UBR1: variants seen among roughly 807,000 people sequenced by gnomAD.
The protein encoded by UBR1 is E3 ubiquitin-protein ligase UBR1.
Under a neutral mutation model 242.1 loss-of-function variants are expected in UBR1, and 102 were observed. The observed-to-expected ratio is 0.42, with a 90% CI of 0.36 to 0.50. The LOEUF (loss-of-function observed/expected upper bound fraction) is 0.50, where lower values mean the gene tolerates loss of function less well. Ranked by LOEUF, UBR1 falls within the 20% of genes least tolerant of loss-of-function variation. UBR1 has a pLI of 0.01. For synonymous variants in UBR1, 675 were observed against 684.8 expected, an observed-to-expected ratio of 0.99 and a Z score of 0.22; for missense variants, 1,772 against 2,101.8, an observed-to-expected ratio of 0.84 and a Z score of 3.07.
intron 40 of UBR1, 137 bp downstream of exon 40, chr15:42,970,382 TA>T: frequency 2.2e-6 from 2 of 911,114 alleles, no homozygotes; most frequent in Non-Finnish European, 3.5e-6. Context: ...ACCTAAACCA[TA>T]AAAACCCTAC....
chr15:43,060,237 T>A, intron 6 of UBR1, 123 bp from the exon 7 acceptor site: 1 of 911,610 alleles, frequency 1.1e-6, no homozygotes, highest in Non-Finnish European at 1.8e-6. Flanking sequence ...CTAAAAGTTG[T>A]AAGATACCGG....
intron 40 of UBR1, among the ~76,000 whole-genome samples, chr15:42,968,566 C>T (rs569683204): frequency 3.0e-4 from 45 of 151,940 alleles, no homozygotes; most frequent in African/African-American, 8.9e-4. Flanking sequence ...ACGTGCAGAA[C>T]GTGCAGGTTT....
intron 16 of UBR1, 39 bp from the exon 17 acceptor site, chr15:43,037,922 A>G (rs763626178): frequency 6.4e-7 from 1 of 1,562,782 alleles, no homozygotes; most frequent in South Asian, 1.1e-5. Context: ...TTTCTCACAG[A>G]GCTTAGATGT....
intron 3 of UBR1, 45 bp from the exon 4 acceptor site, chr15:43,075,134 T>A: frequency 7.3e-7 from 1 of 1,372,602 alleles, no homozygotes; most frequent in Non-Finnish European, 1.0e-6. Context: ...AACATTTTAC[T>A]AAGCATGAAG....
rs2033158368 is a variant in UBR1 at position 43,024,835 on chromosome 15, G to C, written c.2733C>G (p.Leu911=). The C allele has an allele frequency of 6.2e-7, 1 of 1,614,012 alleles. No homozygotes were observed. Among genetic ancestry groups the C allele is most frequent in the South Asian group, 1.1e-5 (1 of 91,090 alleles). The change falls in exon 25 of 47, where the codon CTC becomes CTG. Residue 911 remains leucine, a synonymous_variant. Transcript: ENST00000290650. ...TDSNLWTEGM[L]QMAFHILALG... Reference sequence around the variant, plus strand: ...ATATTTCAGGTAAACAAACCATTTGGAGCATCCCTTCGGTCCACAAGTTAG... The same window carrying C: ...ATATTTCAGGTAAACAAACCATTTGCAGCATCCCTTCGGTCCACAAGTTAG...
At chr15:43,089,582 A>T (rs1567149765) in intron 1 of UBR1, among the ~76,000 whole-genome samples, 1 of 152,178 alleles carries the variant, frequency 6.6e-6, no homozygotes, top group Non-Finnish European at 1.5e-5. Context: ...TAACAGAGAG[A>T]AAGACACCAC....
intron 1 of UBR1, among the ~76,000 whole-genome samples, chr15:43,087,739 GA>G (rs2034055119): frequency 6.6e-6 from 1 of 152,078 alleles, no homozygotes; most frequent in African/African-American, 2.4e-5. Flanking sequence ...CATGTAAAAA[GA>G]AAGTATTTTT....
At chr15:43,029,209 T>C (rs947129604) in intron 21 of UBR1, among the ~76,000 whole-genome samples, 1 of 152,216 alleles carries the variant, frequency 6.6e-6, no homozygotes, top group Non-Finnish European at 1.5e-5. Context: ...GAATCATTTT[T>C]CTAACTCATA....
intron 33 of UBR1, among the ~76,000 whole-genome samples, chr15:42,994,431 T>C (rs2032605595): frequency 6.8e-6 from 1 of 147,568 alleles, no homozygotes; most frequent in African/African-American, 2.5e-5. Flanking sequence ...GATAAAAATA[T>C]ATTCTCCAAT....
chr15:43,055,067 T>C (rs755773162), intron 11 of UBR1, among the ~76,000 whole-genome samples, 168 bp from the exon 12 acceptor site: 26 of 152,204 alleles, frequency 1.7e-4, no homozygotes, highest in Admixed American at 1.4e-3. Context: ...GAAGTTATTT[T>C]CTAAAAGAAA....
intron 15 of UBR1, 44 bp from the exon 16 acceptor site, chr15:43,038,276 A>G (rs1267119686): frequency 6.4e-7 from 1 of 1,568,980 alleles, no homozygotes; most frequent in South Asian, 1.1e-5. Context: ...AACAAACCCA[A>G]TTTGTTAACT....
intron 22 of UBR1, among the ~76,000 whole-genome samples, 160 bp downstream of exon 22, chr15:43,027,612 CTAAG>C (rs1456487116): frequency 1.3e-5 from 2 of 152,064 alleles, no homozygotes; most frequent in East Asian, 3.9e-4. Flanking sequence ...CAAACAGGTG[CTAAG>C]TGTCTACTGT....
intron 4 of UBR1, among the ~76,000 whole-genome samples, chr15:43,072,038 C>A (rs2033830019): frequency 6.6e-6 from 1 of 152,170 alleles, no homozygotes; most frequent in South Asian, 2.1e-4. Flanking sequence ...TGTGCTACCA[C>A]ACCTAGCTAA....
intron 2 of UBR1, among the ~76,000 whole-genome samples, chr15:43,083,441 C>T (rs911573379): frequency 9.9e-5 from 15 of 152,104 alleles, no homozygotes; most frequent in African/African-American, 3.6e-4. Context: ...AAGGCAGTGG[C>T]ATAATCATAG....
intron 2 of UBR1, among the ~76,000 whole-genome samples, 199 bp downstream of exon 2, chr15:43,085,785 G>A (rs753166600): frequency 1.3e-5 from 2 of 151,990 alleles, no homozygotes; most frequent in African/African-American, 2.4e-5. Context: ...ACGTGGTGGC[G>A]GGCACCCGTA....
At chr15:42,995,702 A>G (rs566822797) in intron 33 of UBR1, among the ~76,000 whole-genome samples, 16 of 152,286 alleles carry the variant, frequency 1.1e-4, no homozygotes, top group Non-Finnish European at 4.4e-5. Flanking sequence ...AACAAGTAGC[A>G]AAGTAGTTAA....
intron 45 of UBR1, among the ~76,000 whole-genome samples, chr15:42,951,759 C>T (rs919669402): frequency 6.6e-6 from 1 of 152,060 alleles, no homozygotes; most frequent in African/African-American, 2.4e-5. Context: ...GCTGGGACTG[C>T]AGCCATGTGC....
intron 31 of UBR1, among the ~76,000 whole-genome samples, chr15:43,002,918 T>C (rs2032748339): frequency 3.3e-5 from 5 of 152,240 alleles, no homozygotes; most frequent in Non-Finnish European, 7.3e-5. Flanking sequence ...TCAGAGCAGA[T>C]ATAAATTTAA....
chr15:42,957,334 C>G (rs148489024), intron 44 of UBR1, among the ~76,000 whole-genome samples: 1 of 151,974 alleles, frequency 6.6e-6, no homozygotes, highest in Admixed American at 6.6e-5. Flanking sequence ...TCCATAGAGA[C>G]AGAAAGTAGA....
Sources: allele counts gnomAD v4.1 joint callset (sites outside exome capture counted in the v4.1 genomes callset), GRCh38; gene constraint gnomAD v4.1.1; transcripts MANE v1.5; gene names NCBI Gene and HGNC (gene_info 2026-07-23, HGNC 2026-07-21).